Variants in NYAP2 observed in about 807,000 individuals in gnomAD.
The protein encoded by NYAP2 is neuronal tyrosine-phosphorylated phosphoinositide-3-kinase adapter 2.
NYAP2 carries 23 observed loss-of-function variants against 50.4 expected under a neutral mutation model. The observed-to-expected ratio is 0.46, with a 90% CI of 0.33 to 0.65. The LOEUF is 0.65. Among genes scored for constraint, NYAP2 ranks in the 30% least tolerant of loss-of-function variants. The pLI, the probability that NYAP2 is intolerant of heterozygous loss-of-function variation, is 0.02. For missense variants in NYAP2, 885 were observed against 861.0 expected (o/e 1.03, Z -0.35); for synonymous variants, 394 against 365.2 (o/e 1.08, Z -0.90).
intron 3 of NYAP2, among the ~76,000 whole-genome samples, chr2:225,440,020 G>A (rs1689445300): frequency 2.0e-5 from 3 of 152,168 alleles, no homozygotes; most frequent in African/African-American, 7.2e-5. Flanking sequence ...CAGATCTTGT[G>A]AGACTCACTC....
intron 3 of NYAP2, among the ~76,000 whole-genome samples, chr2:225,448,316 T>C (rs1452019416): frequency 6.6e-6 from 1 of 152,200 alleles, no homozygotes; most frequent in Non-Finnish European, 1.5e-5. Context: ...ATGGCTGTGA[T>C]TGTGTAGCTT....
intron 5 of NYAP2, among the ~76,000 whole-genome samples, chr2:225,612,425 C>T (rs1176335478): frequency 6.6e-6 from 1 of 152,034 alleles, no homozygotes; most frequent in Admixed American, 6.6e-5. Context: ...CCTCCTGTCA[C>T]CCACCTCTGA....
chr2:225,643,627 T>C (rs1309921119), intron 6 of NYAP2, among the ~76,000 whole-genome samples: 1 of 141,422 alleles, frequency 7.1e-6, no homozygotes, highest in Admixed American at 7.7e-5. Context: ...CAGAGTGTGA[T>C]GTTCCCCTTC....
the NYAP2 span, among the ~76,000 whole-genome samples, chr2:225,678,919 G>A: frequency 6.6e-6 from 1 of 152,098 alleles, no homozygotes; most frequent in Non-Finnish European, 1.5e-5. Context: ...TAATTAAGAT[G>A]AGCTGTAATT....
intron 3 of NYAP2, among the ~76,000 whole-genome samples, chr2:225,506,773 G>T (rs1331565538): frequency 1.3e-5 from 2 of 152,074 alleles, no homozygotes; most frequent in Non-Finnish European, 1.5e-5. Context: ...GAGTTAACAG[G>T]TGACAGTGGC....
chr2:225,457,113 G>A (rs758011373), intron 3 of NYAP2, among the ~76,000 whole-genome samples: 180 of 152,210 alleles, frequency 1.2e-3, no homozygotes, highest in Non-Finnish European at 1.6e-3. Context: ...TTTATTTATC[G>A]AGCCCATATC....
chr2:225,640,815 T>A (rs936448576), intron 6 of NYAP2, among the ~76,000 whole-genome samples: 4 of 152,186 alleles, frequency 2.6e-5, no homozygotes, highest in Non-Finnish European at 5.9e-5. Context: ...ATATTTCCCC[T>A]TTAACTTGGT....
At chr2:225,443,885 A>G (rs998552116) in intron 3 of NYAP2, among the ~76,000 whole-genome samples, 1 of 152,334 alleles carries the variant, frequency 6.6e-6, no homozygotes, top group East Asian at 1.9e-4. Flanking sequence ...CCATAGATCC[A>G]ATTGAGTCGA....
the NYAP2 span, among the ~76,000 whole-genome samples, chr2:225,666,716 A>T: frequency 6.6e-6 from 1 of 152,120 alleles, no homozygotes; most frequent in Admixed American, 6.6e-5. Context: ...ACAATAGATG[A>T]CAAATGTTTC....
the NYAP2 span, among the ~76,000 whole-genome samples, chr2:225,681,018 T>C: frequency 6.6e-6 from 1 of 152,226 alleles, no homozygotes; most frequent in Non-Finnish European, 1.5e-5. Flanking sequence ...CATTTTACAT[T>C]TGTGATTGTG....
chr2:225,413,299 C>T (rs1695076333), intron 3 of NYAP2, among the ~76,000 whole-genome samples: 1 of 151,728 alleles, frequency 6.6e-6, no homozygotes, highest in South Asian at 2.1e-4. Context: ...GTGAAACAGG[C>T]CAAAAAAATA....
intron 4 of NYAP2, among the ~76,000 whole-genome samples, chr2:225,555,036 A>G (rs953254986): frequency 5.3e-5 from 8 of 152,350 alleles, no homozygotes; most frequent in Admixed American, 4.6e-4. Flanking sequence ...AGAAACTTCA[A>G]GCATTTTCCA....
intron 3 of NYAP2, among the ~76,000 whole-genome samples, chr2:225,447,106 C>A (rs916926441): frequency 1.3e-5 from 2 of 152,180 alleles, no homozygotes; most frequent in Non-Finnish European, 2.9e-5. Context: ...AGACTGCTTA[C>A]CTTCCTTGGC....
the NYAP2 span, among the ~76,000 whole-genome samples, chr2:225,682,080 A>G: frequency 4.6e-5 from 7 of 152,304 alleles, no homozygotes; most frequent in Non-Finnish European, 8.8e-5. Flanking sequence ...AAACCATCCA[A>G]TCATTGTGAG....
chr2:225,507,648 G>A (rs1690731764), intron 3 of NYAP2, among the ~76,000 whole-genome samples: 1 of 152,132 alleles, frequency 6.6e-6, no homozygotes, highest in African/African-American at 2.4e-5. Context: ...GAGGTTACAT[G>A]GTACCATATG....
chr2:225,667,753 G>A, the NYAP2 span, among the ~76,000 whole-genome samples: 1 of 152,124 alleles, frequency 6.6e-6, no homozygotes, highest in African/African-American at 2.4e-5. Context: ...ATACCTAAGA[G>A]CAATCATTTG....
intron 5 of NYAP2, among the ~76,000 whole-genome samples, chr2:225,590,654 T>C (rs1692484451): frequency 6.6e-6 from 1 of 152,192 alleles, no homozygotes; most frequent in African/African-American, 2.4e-5. Flanking sequence ...AGATAATTTA[T>C]GTAAGCAAAG....
intron 5 of NYAP2, among the ~76,000 whole-genome samples, chr2:225,601,445 T>C (rs1230322359): frequency 6.6e-6 from 1 of 152,198 alleles, no homozygotes; most frequent in African/African-American, 2.4e-5. Flanking sequence ...AGCCTCTGTT[T>C]AAGTTTTTGA....
At chr2:225,616,044 T>C (rs1443801486) in intron 5 of NYAP2, among the ~76,000 whole-genome samples, 1 of 152,224 alleles carries the variant, frequency 6.6e-6, no homozygotes, top group African/African-American at 2.4e-5. Context: ...GGCTCTGTGA[T>C]GTTTTTACAC....
Sources: allele counts gnomAD v4.1 joint callset (sites outside exome capture counted in the v4.1 genomes callset), GRCh38; gene constraint gnomAD v4.1.1; transcripts MANE v1.5; gene names NCBI Gene and HGNC (gene_info 2026-07-23, HGNC 2026-07-21).